The following BABAM2 variants were observed in gnomAD, a reference collection of about 807,000 sequenced individuals.
The protein encoded by BABAM2 is BRISC and BRCA1-A complex member 2.
Under a neutral mutation model 54.7 loss-of-function variants are expected in BABAM2, and 31 were observed. The observed-to-expected ratio is 0.57, with a 90% CI of 0.43 to 0.77. BABAM2 has a LOEUF of 0.77. BABAM2 is among the 30% of genes least tolerant of loss of function. The pLI is 0.00. For synonymous variants in BABAM2, 167 were observed against 162.9 expected (o/e 1.03, Z -0.19); for missense variants, 364 against 455.8 (o/e 0.80, Z 1.83).
In BABAM2 at chr2:28,329,908, A is replaced by G. The variant is rs1052596922; in HGVS notation, c.1089-8542A>G. Reference sequence around the variant, plus strand: ...AGAAAATGTCAGGCCAATACTCCTGATGAACATCAGTGTAAAAATCCTCAA... The same window carrying G: ...AGAAAATGTCAGGCCAATACTCCTGGTGAACATCAGTGTAAAAATCCTCAA... On this transcript the variant is annotated intron_variant, in intron 11 of 11. Transcript: ENST00000379624. This position sits in a 1 kb window ranked among gnomAD's most constrained non-coding sequence, Gnocchi z 4.2. 1.2e-4 allele frequency among the ~76,000 whole-genome samples: 19 copies of G among 152,238 alleles called. No individual in the cohort carries two copies. Among genetic ancestry groups the G allele is most frequent in the Non-Finnish European group, 2.2e-4 (15 of 68,040 alleles).
At chr2:28,268,526 T>C (rs1198450400) in intron 10 of BABAM2, among the ~76,000 whole-genome samples, 1 of 152,258 alleles carries the variant, frequency 6.6e-6, no homozygotes, top group African/African-American at 2.4e-5. Flanking sequence ...ATGTGTCACA[T>C]ATTGCATAAT....
At chr2:28,220,162 A>G (rs1029620383) in intron 7 of BABAM2, among the ~76,000 whole-genome samples, 3 of 152,140 alleles carry the variant, frequency 2.0e-5, no homozygotes, top group Admixed American at 6.5e-5. Flanking sequence ...CTGTGGTGGG[A>G]GGCAGTGTGT....
At chr2:28,165,723 T>C (rs1673602143) in intron 7 of BABAM2, among the ~76,000 whole-genome samples, 1 of 151,796 alleles carries the variant, frequency 6.6e-6, no homozygotes, top group African/African-American at 2.4e-5. Context: ...TTAGTAGAGA[T>C]GGGGTTTCAC....
intron 6 of BABAM2, among the ~76,000 whole-genome samples, chr2:28,108,547 C>T (rs1667725586): frequency 6.6e-6 from 1 of 152,184 alleles, no homozygotes; most frequent in African/African-American, 2.4e-5. Flanking sequence ...ATTTATGGTT[C>T]TTCTAAATCT....
rs531778071 is a variant in BABAM2 at position 28,247,117 on chromosome 2, G to A, written c.934+2255G>A. On this transcript the variant is annotated intron_variant, in intron 10 of 11. Transcript: ENST00000379624. ...CAGGCACTCATTAGAACAGCTACCC[G>A]GGACCTTGGGAGTTGTTTAATTGAC... Among the ~76,000 whole-genome samples, 28 of 152,244 alleles carry A rather than the reference G, an allele frequency of 1.8e-4. No individual in the cohort carries two copies. In the South Asian group the frequency reaches 3.7e-3, roughly 20 times the overall value.
At chr2:28,315,283 T>C (rs1255758494) in intron 11 of BABAM2, among the ~76,000 whole-genome samples, 1 of 152,170 alleles carries the variant, frequency 6.6e-6, no homozygotes, top group Non-Finnish European at 1.5e-5. Flanking sequence ...GGCCTTGGCT[T>C]TCTCACAGAG....
chr2:28,159,946 A>C (rs1235805108), intron 7 of BABAM2, among the ~76,000 whole-genome samples: 1 of 151,832 alleles, frequency 6.6e-6, no homozygotes, highest in East Asian at 1.9e-4. Context: ...AGGGTTTTAC[A>C]TCCTGAAAGA....
At chr2:28,062,690 T>C (rs1221816870) in intron 6 of BABAM2, among the ~76,000 whole-genome samples, 1 of 151,526 alleles carries the variant, frequency 6.6e-6, no homozygotes, top group Non-Finnish European at 1.5e-5. Context: ...CAATGTAGAG[T>C]AAAGCTGAGA....
At chr2:28,201,481 CAA>C (rs1256950404) in intron 7 of BABAM2, among the ~76,000 whole-genome samples, 4 of 152,058 alleles carry the variant, frequency 2.6e-5, no homozygotes, top group Admixed American at 2.6e-4. Flanking sequence ...AGTGCACAGT[CAA>C]AGAGGATATG....
intron 4 of BABAM2, among the ~76,000 whole-genome samples, chr2:28,020,952 GACACACACACAC>G (rs57086132): frequency 8.3e-5 from 12 of 144,518 alleles, no homozygotes; most frequent in Admixed American, 4.2e-4. Flanking sequence ...CTGTCTCTCT[GACACACACACAC>G]ACACACACAC....
At chr2:28,115,453 T>C (rs1034273075) in intron 6 of BABAM2, among the ~76,000 whole-genome samples, 30 of 151,832 alleles carry the variant, frequency 2.0e-4, no homozygotes, top group South Asian at 6.2e-4. Flanking sequence ...GATGAAACCC[T>C]GTCTCTACTA....
At position 27,995,746 on chromosome 2, in the gene BABAM2, G is replaced by GT. The variant is rs1397286619; in HGVS notation, c.300+7666dup. 6.6e-6 allele frequency among the ~76,000 whole-genome samples: 1 copy of GT among 151,752 alleles called. No homozygotes were observed. Among genetic ancestry groups the GT allele is most frequent in the African/African-American group, 2.4e-5 (1 of 41,316 alleles). On this transcript the variant is annotated intron_variant, in intron 4 of 11. Transcript: ENST00000379624. This position sits in a 1 kb window ranked among gnomAD's most constrained non-coding sequence, Gnocchi z 4.1. The stretch of plus-strand genomic sequence containing the variant: ...AGGCGCCCGCCACCACACCTGGCTA[G>GT]TTTTTTTATATTTTTAGTAGAGATG...
At chr2:28,052,188 A>C (rs1464350760) in intron 6 of BABAM2, among the ~76,000 whole-genome samples, 2 of 152,260 alleles carry the variant, frequency 1.3e-5, no homozygotes, top group East Asian at 3.9e-4. Flanking sequence ...ATGGGATGGA[A>C]ACTTGAAGAA....
intron 7 of BABAM2, among the ~76,000 whole-genome samples, chr2:28,198,908 C>T (rs1174159929): frequency 1.3e-5 from 2 of 151,914 alleles, no homozygotes; most frequent in African/African-American, 4.9e-5. Context: ...CCTGCCCCCA[C>T]CTGTCCTCAC....
intron 3 of BABAM2, among the ~76,000 whole-genome samples, chr2:27,961,669 T>A (rs1437179743): frequency 6.6e-6 from 1 of 152,074 alleles, no homozygotes; most frequent in Non-Finnish European, 1.5e-5. Context: ...TAATATGGAT[T>A]TGTGATTCAC....
intron 7 of BABAM2, among the ~76,000 whole-genome samples, chr2:28,131,073 A>T (rs13017305): frequency 0.32 from 2,333 of 7,316 alleles, 932 homozygotes; most frequent in Non-Finnish European, 0.56. Flanking sequence ...TATTATTATT[A>T]TTATTATTTT....
chr2:28,071,216 C>T (rs1282030709), intron 6 of BABAM2, among the ~76,000 whole-genome samples: 3 of 152,292 alleles, frequency 2.0e-5, no homozygotes, highest in Middle Eastern at 3.4e-3. Flanking sequence ...GAGTCTTACC[C>T]ATTGTTTTAA....
At chr2:28,052,572 G>A (rs563822618) in intron 6 of BABAM2, among the ~76,000 whole-genome samples, 250 of 152,102 alleles carry the variant, frequency 1.6e-3, no homozygotes, top group African/African-American at 5.9e-3. Flanking sequence ...ATAGGTGTGA[G>A]CCACCACACC....
At chr2:28,172,087 ATGTGTGTGTGTGTG>A (rs10612484) in intron 7 of BABAM2, among the ~76,000 whole-genome samples, 3 of 149,778 alleles carry the variant, frequency 2.0e-5, no homozygotes, top group African/African-American at 7.4e-5. Context: ...TTTGTTTGAA[ATGTGTGTGTGTGTG>A]TGTGTGTGTG....
Sources: allele counts gnomAD v4.1 joint callset (sites outside exome capture counted in the v4.1 genomes callset), GRCh38; gene constraint gnomAD v4.1.1; non-coding constraint Gnocchi (gnomAD v3.1); transcripts MANE v1.5; gene names NCBI Gene and HGNC (gene_info 2026-07-23, HGNC 2026-07-21).